Variants in CRTAC1 observed in about 807,000 individuals in gnomAD.
CRTAC1 encodes acidic secreted protein in cartilage.
In CRTAC1, 37 loss-of-function variants were observed where a neutral mutation model predicts 67.8. That is an observed-to-expected ratio of 0.55 (90% CI 0.42 to 0.72). The LOEUF is 0.72. Among genes scored for constraint, CRTAC1 ranks in the 30% least tolerant of loss-of-function variants. The probability of loss-of-function intolerance (pLI) is 0.00; values close to 1 mark genes in which losing one functional copy is unlikely to be tolerated. For synonymous variants in CRTAC1, 348 were observed against 371.0 expected, an observed-to-expected ratio of 0.94 and a Z score of 0.71; for missense variants, 780 against 931.6, an observed-to-expected ratio of 0.84 and a Z score of 2.12.
intron 2 of CRTAC1, among the ~76,000 whole-genome samples, chr10:97,950,629 G>A (rs912564156): frequency 3.3e-5 from 5 of 152,212 alleles, no homozygotes; most frequent in Non-Finnish European, 7.3e-5. Context: ...CTTGCCTGGT[G>A]AAGGGTAGGG....
chr10:97,958,963 C>A (rs2051482117), intron 2 of CRTAC1, among the ~76,000 whole-genome samples: 2 of 152,186 alleles, frequency 1.3e-5, no homozygotes, highest in South Asian at 4.1e-4. Context: ...ACAGACAAGA[C>A]ATGGGCACTC....
intron 2 of CRTAC1, among the ~76,000 whole-genome samples, chr10:97,982,006 A>C (rs966132169): frequency 6.6e-6 from 1 of 152,224 alleles, no homozygotes; most frequent in African/African-American, 2.4e-5. Context: ...ATCCCTGTAC[A>C]TGAGCTGTCC....
At chr10:98,006,512 T>G (rs909952347) in intron 2 of CRTAC1, among the ~76,000 whole-genome samples, 11 of 152,202 alleles carry the variant, frequency 7.2e-5, no homozygotes, top group African/African-American at 2.4e-4. Flanking sequence ...GTCAGAGACA[T>G]GCACACGCCT....
At chr10:97,925,701 G>A (rs1281348366) in intron 3 of CRTAC1, among the ~76,000 whole-genome samples, 1 of 136,774 alleles carries the variant, frequency 7.3e-6, no homozygotes, top group Non-Finnish European at 1.6e-5. Context: ...TGAGTGTGTG[G>A]GGGGATGAGT....
intron 2 of CRTAC1, among the ~76,000 whole-genome samples, chr10:97,968,392 GC>G (rs1333164476): frequency 2.6e-4 from 40 of 152,144 alleles, no homozygotes; most frequent in African/African-American, 9.7e-4. Flanking sequence ...TCAGGCACGT[GC>G]CACCATGCCT....
At chr10:97,885,237 T>C (rs1240985123) in intron 11 of CRTAC1, among the ~76,000 whole-genome samples, 1 of 152,142 alleles carries the variant, frequency 6.6e-6, no homozygotes, top group African/African-American at 2.4e-5. Context: ...TGGTGGCTCA[T>C]GCCTGGAATC....
At chr10:97,949,561 G>A (rs1433740401) in intron 2 of CRTAC1, among the ~76,000 whole-genome samples, 1 of 152,246 alleles carries the variant, frequency 6.6e-6, no homozygotes, top group African/African-American at 2.4e-5. Flanking sequence ...GGTAAAGGTG[G>A]CAGAAGCATC....
intron 2 of CRTAC1, among the ~76,000 whole-genome samples, chr10:98,005,716 T>C (rs1842777272): frequency 6.6e-6 from 1 of 151,682 alleles, no homozygotes; most frequent in African/African-American, 2.4e-5. Flanking sequence ...TAAAATAAAA[T>C]GCATAAATGC....
At chr10:97,965,649 T>C (rs1022369620) in intron 2 of CRTAC1, among the ~76,000 whole-genome samples, 1 of 152,156 alleles carries the variant, frequency 6.6e-6, no homozygotes, top group African/African-American at 2.4e-5. Context: ...GAGTTGGAGA[T>C]ACTCATGTGA....
chr10:97,944,492 A>G (rs958609730), intron 2 of CRTAC1, among the ~76,000 whole-genome samples: 2 of 152,136 alleles, frequency 1.3e-5, no homozygotes, highest in African/African-American at 4.8e-5. Flanking sequence ...CTAAACAGGG[A>G]TTTAATCTAA....
Position 97,896,025 on chromosome 10 carries a change from G to A in CRTAC1, c.1217-40C>T, listed in dbSNP as rs780895018. On this transcript the variant is annotated intron_variant, in intron 9 of 14. Transcript: ENST00000370597. ...GATTTCACCTCTGGCCGTAATCCAGGAGACCCACAAAGGAGACACGCTCCC... is the reference window on the plus strand; with the variant it reads ...GATTTCACCTCTGGCCGTAATCCAGAAGACCCACAAAGGAGACACGCTCCC... 1.0e-5 allele frequency: 16 copies of A among 1,578,320 alleles called. No individual in the cohort carries two copies. The South Asian group carries it at 1.7e-4, about 16-fold the overall frequency.
intron 3 of CRTAC1, among the ~76,000 whole-genome samples, chr10:97,929,970 G>C (rs780056508): frequency 1.1e-4 from 17 of 152,352 alleles, no homozygotes; most frequent in Non-Finnish European, 2.2e-4. Flanking sequence ...CCCAGGCTGT[G>C]CTGGGTCCCT....
At chr10:97,963,227 G>A (rs1361001098) in intron 2 of CRTAC1, among the ~76,000 whole-genome samples, 2 of 152,138 alleles carry the variant, frequency 1.3e-5, no homozygotes, top group Non-Finnish European at 2.9e-5. Flanking sequence ...CTTGGTGCTT[G>A]TGTCATCTTT....
intron 2 of CRTAC1, among the ~76,000 whole-genome samples, chr10:97,990,534 T>G (rs985150854): frequency 4.6e-5 from 7 of 152,354 alleles, no homozygotes; most frequent in Non-Finnish European, 1.0e-4. Flanking sequence ...TATTAGCGTC[T>G]TTTAGCAAGC....
At chr10:97,963,096 G>A (rs1774052466) in intron 2 of CRTAC1, among the ~76,000 whole-genome samples, 1 of 151,976 alleles carries the variant, frequency 6.6e-6, no homozygotes, top group African/African-American at 2.4e-5. Context: ...CTAGGCACAA[G>A]CAAAGCCCGA....
chr10:97,891,895 C>T (rs904086613), intron 11 of CRTAC1, among the ~76,000 whole-genome samples: 2 of 152,234 alleles, frequency 1.3e-5, no homozygotes, highest in African/African-American at 4.8e-5. Context: ...GCTGAGGCGC[C>T]TCGTGACCCA....
chr10:98,003,124 C>A (rs1033355946), intron 2 of CRTAC1, among the ~76,000 whole-genome samples: 2 of 152,062 alleles, frequency 1.3e-5, no homozygotes, highest in African/African-American at 4.8e-5. Flanking sequence ...ACGTTGATTA[C>A]AAAAGAATAC....
At chr10:98,009,272 T>C (rs1842860447) in intron 2 of CRTAC1, among the ~76,000 whole-genome samples, 1 of 152,198 alleles carries the variant, frequency 6.6e-6, no homozygotes, top group Non-Finnish European at 1.5e-5. Flanking sequence ...CCATTTCACA[T>C]ACTCAGTAGC....
intron 2 of CRTAC1, among the ~76,000 whole-genome samples, chr10:97,945,917 T>C (rs1673249519): frequency 6.6e-6 from 1 of 152,240 alleles, no homozygotes; most frequent in African/African-American, 2.4e-5. Context: ...GGCCTTGTTC[T>C]TAAAAAGATC....
Sources: gnomAD v4.1 joint callset for allele counts (sites outside exome capture counted in the v4.1 genomes callset) on GRCh38, gnomAD v4.1.1 for gene constraint, MANE v1.5 for transcripts, NCBI Gene and HGNC (gene_info 2026-07-23, HGNC 2026-07-21) for gene names.